RBFOX1: variants seen among roughly 807,000 people sequenced by gnomAD.
The protein encoded by RBFOX1 is RNA binding protein fox-1 homolog 1.
RBFOX1 carries 8 observed loss-of-function variants against 57.7 expected under a neutral mutation model. The observed-to-expected ratio is 0.14, with a 90% CI of 0.08 to 0.25. RBFOX1 has a LOEUF of 0.25. Among genes scored for constraint, RBFOX1 ranks in the 10% least tolerant of loss-of-function variants. The pLI, the probability that RBFOX1 is intolerant of heterozygous loss-of-function variation, is 1.00. For synonymous variants in RBFOX1, 326 were observed against 222.4 expected, an observed-to-expected ratio of 1.47 and a Z score of -4.15; for missense variants, 611 against 548.5, an observed-to-expected ratio of 1.11 and a Z score of -1.14.
At chr16:6,928,026 C>G (rs1384771716) in intron 3 of RBFOX1, among the ~76,000 whole-genome samples, 1 of 152,160 alleles carries the variant, frequency 6.6e-6, no homozygotes, top group African/African-American at 2.4e-5. Flanking sequence ...AGCACCCACC[C>G]CTCTAGATTT....
chr16:7,317,437 T>C (rs2096464608), intron 4 of RBFOX1, among the ~76,000 whole-genome samples: 1 of 152,028 alleles, frequency 6.6e-6, no homozygotes, highest in Non-Finnish European at 1.5e-5. Flanking sequence ...ACCACCACTA[T>C]CACCACTGTC....
intron 2 of RBFOX1, among the ~76,000 whole-genome samples, chr16:6,397,099 T>A (rs1255998610): frequency 1.3e-5 from 2 of 151,882 alleles, no homozygotes; most frequent in Non-Finnish European, 2.9e-5. Flanking sequence ...GTACTTGGAG[T>A]CCCAGAAAGA....
intron 3 of RBFOX1, among the ~76,000 whole-genome samples, chr16:5,807,599 A>T (rs1476313044): frequency 6.6e-6 from 1 of 152,230 alleles, no homozygotes; most frequent in East Asian, 1.9e-4. Flanking sequence ...ACACAAGTGT[A>T]TAAATAGGGA....
chr16:6,157,113 G>C (rs2096843907), intron 1 of RBFOX1, among the ~76,000 whole-genome samples: 2 of 151,978 alleles, frequency 1.3e-5, no homozygotes, highest in Non-Finnish European at 1.5e-5. Context: ...GGGATTAGAG[G>C]TGTGAGCCAA....
At chr16:6,838,841 G>C (rs903502091) in intron 3 of RBFOX1, among the ~76,000 whole-genome samples, 2 of 151,802 alleles carry the variant, frequency 1.3e-5, no homozygotes, top group African/African-American at 4.8e-5. Context: ...GTGCTTCCCC[G>C]TCATACTCTG....
Position 5,346,916 on chromosome 16 carries a change from G to A in RBFOX1, c.219+106811G>A, listed in dbSNP as rs572638757. Among the ~76,000 whole-genome samples, 156 of 152,304 alleles carry A rather than the reference G, an allele frequency of 1.0e-3. 1 individual carries two copies. The highest frequency in any genetic ancestry group is 3.3e-3 in the African/African-American group (137 of 41,560). On this transcript the variant is annotated intron_variant, in intron 1 of 2. Coordinates refer to the RBFOX1 transcript ENST00000585867. The stretch of plus-strand genomic sequence containing the variant: ...CTGACGTATATTCAGCATTCAGAAT[G>A]GACCCTGGCTTGTGGTAAGTGCCCT...
chr16:6,940,652 G>C (rs2078217872), intron 3 of RBFOX1, among the ~76,000 whole-genome samples: 1 of 151,922 alleles, frequency 6.6e-6, no homozygotes, highest in African/African-American at 2.4e-5. Flanking sequence ...GGCTGGAGTG[G>C]AGCGACGCGA....
At chr16:7,700,686 CTTT>C (rs1164358913) in intron 14 of RBFOX1, among the ~76,000 whole-genome samples, 1 of 152,070 alleles carries the variant, frequency 6.6e-6, no homozygotes, top group African/African-American at 2.4e-5. Flanking sequence ...CCTACAGCTC[CTTT>C]TTTAGAGGAG....
chr16:6,651,484 C>T (rs1300974901), intron 2 of RBFOX1, among the ~76,000 whole-genome samples: 1 of 152,298 alleles, frequency 6.6e-6, no homozygotes, highest in African/African-American at 2.4e-5. Context: ...TTTGTAACCC[C>T]TGACTGCCGG....
chr16:5,552,904 G>A (rs985512698), intron 2 of RBFOX1, among the ~76,000 whole-genome samples: 5 of 152,222 alleles, frequency 3.3e-5, no homozygotes, highest in Admixed American at 1.3e-4. Flanking sequence ...GTCCTCAACA[G>A]CTTGGGGCAA....
At chr16:5,567,179 A>T (rs2046102848) in intron 2 of RBFOX1, among the ~76,000 whole-genome samples, 1 of 152,178 alleles carries the variant, frequency 6.6e-6, no homozygotes, top group Non-Finnish European at 1.5e-5. Flanking sequence ...CAGGAGAGAA[A>T]GATGCACCAT....
intron 1 of RBFOX1, among the ~76,000 whole-genome samples, chr16:6,294,800 G>GA (rs1444660702): frequency 1.3e-5 from 2 of 152,184 alleles, no homozygotes; most frequent in South Asian, 4.1e-4. Context: ...CTCTGATGGA[G>GA]AAAATAATGA....
At chr16:6,573,747 G>A (rs1398622744) in intron 2 of RBFOX1, 1 of 152,234 alleles carries the variant, frequency 6.6e-6, no homozygotes, top group African/African-American at 2.4e-5. Flanking sequence ...CGCGAAGCCC[G>A]GCTGCGGGAG....
chr16:7,040,887 T>TTG (rs200175520), intron 3 of RBFOX1, among the ~76,000 whole-genome samples: 132 of 140,326 alleles, frequency 9.4e-4, no homozygotes, highest in Middle Eastern at 7.1e-3. Flanking sequence ...GTAAATAAAG[T>TTG]TTTTTTTTTG....
intron 4 of RBFOX1, among the ~76,000 whole-genome samples, chr16:7,053,377 C>T (rs2050772094): frequency 6.6e-6 from 1 of 152,144 alleles, no homozygotes; most frequent in Non-Finnish European, 1.5e-5. Flanking sequence ...TTAAGCTTTT[C>T]TGAACTGTCT....
intron 2 of RBFOX1, among the ~76,000 whole-genome samples, chr16:6,612,882 T>G (rs910539272): frequency 9.1e-6 from 1 of 109,438 alleles, no homozygotes; most frequent in East Asian, 2.3e-4. Context: ...TAATAATATT[T>G]GTTTGTTCCA....
At position 7,630,697 on chromosome 16, in the gene RBFOX1, C is replaced by G. The variant is rs776439789; in HGVS notation, c.757+14C>G. ...ATACTTCTGCAAGTAAGCCCACTGT[C>G]GTGGCTCTTTTTGTTTTGTGACATA... On this transcript the variant is annotated intron_variant, in intron 11 of 15. Coordinates refer to ENST00000550418, the MANE Select transcript of RBFOX1 (RefSeq NM_018723.4). 3.1e-6 allele frequency: 5 copies of G among 1,613,978 alleles called. No homozygotes were observed. The East Asian group carries it at 8.9e-5, about 29-fold the overall frequency.
At chr16:5,306,666 A>G (rs539792919) in intron 1 of RBFOX1, among the ~76,000 whole-genome samples, 16 of 152,300 alleles carry the variant, frequency 1.1e-4, no homozygotes, top group African/African-American at 3.8e-4. Context: ...TTAAATGCAC[A>G]GCAATGCTCT....
At chr16:6,211,430 G>A (rs375585693) in intron 1 of RBFOX1, among the ~76,000 whole-genome samples, 10 of 151,814 alleles carry the variant, frequency 6.6e-5, no homozygotes, top group East Asian at 5.8e-4. Flanking sequence ...GGGTTTCTTC[G>A]TGTTAGCCAG....
Sources: gnomAD v4.1 joint callset for allele counts (sites outside exome capture counted in the v4.1 genomes callset) on GRCh38, gnomAD v4.1.1 for gene constraint, MANE v1.5 for transcripts, NCBI Gene and HGNC (gene_info 2026-07-23, HGNC 2026-07-21) for gene names.